The following UBR7 variants were observed in gnomAD, a reference collection of about 807,000 sequenced individuals.
UBR7 encodes ubiquitin protein ligase E3 component n-recognin 7.
UBR7 carries 22 observed loss-of-function variants against 57.0 expected under a neutral mutation model. That is an observed-to-expected ratio of 0.39 (90% CI 0.28 to 0.55). The LOEUF (loss-of-function observed/expected upper bound fraction) is 0.55. Among genes scored for constraint, UBR7 ranks in the 20% least tolerant of loss-of-function variants. The pLI is 0.69. For missense variants in UBR7, 395 were observed against 513.2 expected (o/e 0.77, Z 2.23); for synonymous variants, 167 against 179.8 (o/e 0.93, Z 0.57).
chr14:93,215,079 T>C, intron 5 of UBR7, 97 bp downstream of exon 5: 6 of 1,410,560 alleles, frequency 4.3e-6, no homozygotes, highest in East Asian at 2.5e-5. Context: ...TAAATTCTAA[T>C]GATATGATCA....
chr14:93,223,409 A>AG (rs1249859813), intron 10 of UBR7, among the ~76,000 whole-genome samples: 11 of 151,082 alleles, frequency 7.3e-5, no homozygotes, highest in Admixed American at 1.3e-4. Flanking sequence ...AAAAAAAAAA[A>AG]AAAAAGAACT....
chr14:93,226,813 A>G, intron 10 of UBR7, 130 bp from the exon 11 acceptor site: 2 of 501,022 alleles, frequency 4.0e-6, no homozygotes, highest in African/African-American at 2.1e-5. Flanking sequence ...AAAAAAAAAA[A>G]TAGAAAATGG....
In UBR7 at chr14:93,208,561, G is replaced by GT. The variant is rs535821214; in HGVS notation, c.150+1121dup. Among the ~76,000 whole-genome samples the GT allele has an allele frequency of 2.6e-3, 399 of 151,084 alleles. 2 individuals carry two copies. The highest frequency in any genetic ancestry group is 1.8e-3 in the Non-Finnish European group (120 of 67,790). ...TGGATTCCTTAATATTTTCTTTGTG[G>GT]TAAAAAAAAAAATACGGAAATTTGC... On this transcript the variant is annotated intron_variant, in intron 1 of 10. Coordinates refer to ENST00000013070, the MANE Select transcript of UBR7 (RefSeq NM_175748.4).
chr14:93,211,919 C>A, intron 3 of UBR7, 113 bp from the exon 4 acceptor site: 1 of 797,330 alleles, frequency 1.3e-6, no homozygotes. Flanking sequence ...AATTAAAGAT[C>A]AGCCTCTTGG....
rs752617573 is a variant in UBR7 at position 93,209,862 on chromosome 14, C to T, written c.189C>T (p.Thr63=). Residue 63 remains threonine (T), a synonymous_variant, in exon 2 of 11, where the codon ACC becomes ACT. Transcript: ENST00000013070. ...GACAAGCACTATATGCCTGTAGTAC[C>T]TGCACCCCAGAGGGAGAAGAACCAG... ...VKRQALYACS[T]CTPEGEEPAG... 2.5e-6 allele frequency: 4 copies of T among 1,613,982 alleles called. No homozygotes were observed. The highest frequency in any genetic ancestry group is 1.1e-5 in the South Asian group (1 of 91,082).
Position 93,215,271 on chromosome 14 carries a change from A to C in UBR7, c.591A>C (p.Ala197=), listed in dbSNP as rs141676205. 2.5e-6 allele frequency: 4 copies of C among 1,576,288 alleles called. No individual in the cohort carries two copies. The highest frequency in any genetic ancestry group is 2.7e-5 in the African/African-American group (2 of 74,532). The change falls in exon 6 of 11, where the codon GCA becomes GCC. Residue 197 remains alanine (A), a synonymous_variant. Coordinates refer to ENST00000013070, the MANE Select transcript of UBR7 (RefSeq NM_175748.4). ...GTTCTTTTTTGTGGGCTTATGCTGC[A>C]CAATTGGCAGGTAGGTATCTTTGTG... ...KRCSFLWAYA[A]QLAVTKISTE...
At chr14:93,223,828 C>G (rs112222529) in intron 10 of UBR7, 14 of 748,024 alleles carry the variant, frequency 1.9e-5, no homozygotes, top group Non-Finnish European at 1.7e-5. Context: ...TAACAGCGCC[C>G]GCGGTGGTCA....
rs1595263728 is a variant in UBR7, at chr14:93,208,426, C to T, written c.150+985C>T. On this transcript the variant is annotated intron_variant, in intron 1 of 10. Transcript: ENST00000013070. Reference sequence around the variant, plus strand: ...GACATAGCCCCAGGTATTTTAAAACCTTTGGTCACCACTAAAACAATTTTT... The same window carrying T: ...GACATAGCCCCAGGTATTTTAAAACTTTTGGTCACCACTAAAACAATTTTT... Among the ~76,000 whole-genome samples, 3 of 150,700 alleles carry T rather than the reference C, an allele frequency of 2.0e-5. No individual in the cohort carries two copies. The East Asian group carries it at 5.9e-4, about 29-fold the overall frequency.
At chr14:93,223,840 G>A in intron 10 of UBR7, 1 of 750,074 alleles carries the variant, frequency 1.3e-6, no homozygotes, top group Middle Eastern at 3.6e-4. Flanking sequence ...CGGTGGTCAG[G>A]TCCCGGTATT....
At chr14:93,213,769 C>T (rs139714685) in intron 4 of UBR7, among the ~76,000 whole-genome samples, 28 of 152,104 alleles carry the variant, frequency 1.8e-4, no homozygotes, top group African/African-American at 5.8e-4. Context: ...GGGTATTTAC[C>T]GATTTGAAAG....
chr14:93,220,605 T>C (rs865788486), intron 9 of UBR7, among the ~76,000 whole-genome samples, 194 bp downstream of exon 9: 1 of 152,208 alleles, frequency 6.6e-6, no homozygotes, highest in Non-Finnish European at 1.5e-5. Flanking sequence ...GCTAGAATAA[T>C]TACATGCTTG....
intron 4 of UBR7, 126 bp downstream of exon 4, chr14:93,212,253 A>G: frequency 1.4e-6 from 1 of 690,908 alleles, no homozygotes; most frequent in South Asian, 1.5e-5. Context: ...CTCTAGATTT[A>G]TCTTTTCTTA....
Position 93,207,320 on chromosome 14 carries a change from G to T in UBR7, c.29G>T (p.Arg10Leu), listed in dbSNP as rs181764173. 1 of 1,558,200 alleles carries T rather than the reference G, an allele frequency of 6.4e-7. No individual in the cohort carries two copies. The highest frequency in any genetic ancestry group is 1.2e-5 in the South Asian group (1 of 84,712). Residue 10 changes from arginine (R) to leucine (L), a missense_variant, in exon 1 of 11, where the codon CGG becomes CTG. By Grantham distance (102) the Arg-to-Leu change is moderately radical (BLOSUM62 -2). Transcript: ENST00000013070. ...GCCGGAGCCGAGGGCGCCGCTGGGC[G>T]GCAGTCGGAGCTGGAGCCCGTGGTA... is the stretch of plus-strand genomic sequence containing the variant. MAGAEGAAGRQSELEPVVSL... is the reference protein window; with the variant it reads MAGAEGAAGLQSELEPVVSL...
chr14:93,218,749 T>C lies in UBR7; in HGVS notation c.810+14T>C, dbSNP rs1308383908. 6.2e-7 allele frequency: 1 copy of C among 1,609,690 alleles called. No individual in the cohort carries two copies. The highest frequency in any genetic ancestry group is 2.2e-5 in the East Asian group (1 of 44,758). The stretch of plus-strand genomic sequence containing the variant: ...TCTGATCTCCAGGTAATGTGTGAAG[T>C]ACGAGCCATCAAGAAATAAGACTGG... On this transcript the variant is annotated intron_variant, in intron 7 of 10. Coordinates refer to ENST00000013070, the MANE Select transcript of UBR7 (RefSeq NM_175748.4).
chr14:93,223,781 G>T, intron 10 of UBR7: 1 of 738,958 alleles, frequency 1.4e-6, no homozygotes, highest in Non-Finnish European at 2.4e-6. Context: ...GCCCAGGTGC[G>T]GTGCCAGGCG....
At chr14:93,218,275 G>T (rs1152438) in intron 6 of UBR7, among the ~76,000 whole-genome samples, 23,629 of 151,578 alleles carry the variant, frequency 0.16, 2,153 homozygotes, top group South Asian at 0.25. Context: ...GCCAGTCATG[G>T]TGGCACGCAC....
chr14:93,227,248 C>T lies in UBR7; in HGVS notation c.*213C>T, dbSNP rs1266313167. 2 of 631,196 alleles carry T rather than the reference C, an allele frequency of 3.2e-6. No individual in the cohort carries two copies. The highest frequency in any genetic ancestry group is 2.1e-5 in the Admixed American group (1 of 47,736). The allele number at this position is 631,196 out of a possible 1,614,324, so 39.1% of individuals were successfully genotyped here. On this transcript the variant is annotated 3_prime_UTR_variant, in exon 11 of 11. Transcript: ENST00000013070. ...GTGACTCAGCTGATGCAGCTCATTC[C>T]ACAGACTTCTCCAGTGTACTCCTAC...
At chr14:93,226,914 C>A in intron 10 of UBR7, 29 bp from the exon 11 acceptor site, 1 of 1,548,186 alleles carries the variant, frequency 6.5e-7, no homozygotes, top group South Asian at 1.1e-5. Context: ...ACTTAGTTCT[C>A]TTTCATAATC....
chr14:93,208,312 T>C (rs1894409626), intron 1 of UBR7, among the ~76,000 whole-genome samples: 1 of 152,154 alleles, frequency 6.6e-6, no homozygotes, highest in Non-Finnish European at 1.5e-5. Flanking sequence ...TTATGTGGTA[T>C]GAACTGAGAT....
Sources: allele counts gnomAD v4.1 joint callset (sites outside exome capture counted in the v4.1 genomes callset), GRCh38; gene constraint gnomAD v4.1.1; transcripts MANE v1.5; gene names NCBI Gene and HGNC (gene_info 2026-07-23, HGNC 2026-07-21).